FBXW7: variants seen among roughly 807,000 people sequenced by gnomAD.
FBXW7 encodes the protein F-box and WD repeat domain containing 7.
In FBXW7, 11 loss-of-function variants were observed where a neutral mutation model predicts 86.3. The ratio of observed to expected loss-of-function variants is 0.13; its 90% CI spans 0.08 to 0.21. The LOEUF (loss-of-function observed/expected upper bound fraction) is 0.21, where lower values mean the gene tolerates loss of function less well. Ranked by LOEUF, FBXW7 falls within the 10% of genes least tolerant of loss-of-function variation. The pLI, the probability that FBXW7 is intolerant of heterozygous loss-of-function variation, is 1.00. For synonymous variants in FBXW7, 313 were observed against 297.9 expected (o/e 1.05, Z -0.52); for missense variants, 488 against 847.4 (o/e 0.58, Z 5.27).
intron 4 of FBXW7, among the ~76,000 whole-genome samples, chr4:152,401,501 C>T (rs1012354727): frequency 6.6e-5 from 10 of 152,140 alleles, no homozygotes; most frequent in Middle Eastern, 3.4e-3. Flanking sequence ...ACTATGGAGA[C>T]GGTGAAAGGA....
intron 2 of FBXW7, among the ~76,000 whole-genome samples, chr4:152,509,447 A>C (rs541506962): frequency 1.3e-5 from 2 of 152,236 alleles, no homozygotes; most frequent in Non-Finnish European, 2.9e-5. Flanking sequence ...ATAATGTCAA[A>C]TTAATGTATG....
chr4:152,471,537 TGGAA>T (rs1560939641), intron 2 of FBXW7, among the ~76,000 whole-genome samples: 2 of 74,024 alleles, frequency 2.7e-5, no homozygotes, highest in Admixed American at 1.5e-4. Context: ...GAGGGAAGGA[TGGAA>T]GGAAGGAAGG....
intron 4 of FBXW7, among the ~76,000 whole-genome samples, chr4:152,372,173 C>T (rs1018098099): frequency 2.6e-5 from 4 of 151,758 alleles, no homozygotes; most frequent in African/African-American, 9.7e-5. Context: ...TTATAATAGC[C>T]TATAATTAGG....
At chr4:152,357,591 G>A (rs560148701) in intron 4 of FBXW7, among the ~76,000 whole-genome samples, 31 of 152,196 alleles carry the variant, frequency 2.0e-4, no homozygotes, top group Admixed American at 1.2e-3. Flanking sequence ...AAGGTGCTGG[G>A]ATTACAGGGG....
intron 2 of FBXW7, among the ~76,000 whole-genome samples, chr4:152,456,633 A>G (rs1742445176): frequency 6.6e-6 from 1 of 152,232 alleles, no homozygotes; most frequent in South Asian, 2.1e-4. Flanking sequence ...AAGATGTTCA[A>G]CATAATTCGC....
chr4:152,324,715 C>T (rs1728853797), intron 12 of FBXW7: 3 of 275,576 alleles, frequency 1.1e-5, no homozygotes, highest in Admixed American at 5.0e-5. Flanking sequence ...CCCCACCTAG[C>T]TATATATCAT....
At chr4:152,494,458 T>C (rs111813986) in intron 2 of FBXW7, among the ~76,000 whole-genome samples, 3,044 of 152,308 alleles carry the variant, frequency 0.02, 88 homozygotes, top group Admixed American at 0.065. Context: ...TGATCAACAA[T>C]CATGAATTTA....
At chr4:152,349,290 T>A (rs895437964) in intron 5 of FBXW7, among the ~76,000 whole-genome samples, 6 of 144,904 alleles carry the variant, frequency 4.1e-5, no homozygotes, top group Non-Finnish European at 9.0e-5. Flanking sequence ...CTGGCAATTA[T>A]ACAAAAAATT....
At chr4:152,411,262 T>C (rs764972314) in intron 4 of FBXW7, 41 bp downstream of exon 4, 13 of 1,509,378 alleles carry the variant, frequency 8.6e-6, no homozygotes, top group South Asian at 2.8e-5. Flanking sequence ...AAAATAGATA[T>C]GTAAAGTTTC....
chr4:152,519,794 A>C (rs1030002050), intron 2 of FBXW7, among the ~76,000 whole-genome samples: 4 of 152,252 alleles, frequency 2.6e-5, no homozygotes, highest in Non-Finnish European at 5.9e-5. Context: ...CATTTTCAAT[A>C]AAAACTTAAG....
At chr4:152,445,147 A>G (rs1741255331) in intron 2 of FBXW7, among the ~76,000 whole-genome samples, 4 of 152,210 alleles carry the variant, frequency 2.6e-5, no homozygotes, top group Admixed American at 6.5e-5. Flanking sequence ...TTTGGAAAAC[A>G]TTACTCCAAA....
chr4:152,526,682 A>G (rs1418133268), intron 2 of FBXW7, among the ~76,000 whole-genome samples: 1 of 152,234 alleles, frequency 6.6e-6, no homozygotes, highest in Non-Finnish European at 1.5e-5. Context: ...GGGCAACTAA[A>G]AAGGCTGATA....
At chr4:152,387,976 G>A (rs1005261322) in intron 4 of FBXW7, among the ~76,000 whole-genome samples, 22 of 152,048 alleles carry the variant, frequency 1.4e-4, no homozygotes, top group Admixed American at 7.9e-4. Flanking sequence ...CCAAAGTGCT[G>A]GGATTACAGG....
At chr4:152,372,578 A>G (rs184424764) in intron 4 of FBXW7, among the ~76,000 whole-genome samples, 1 of 152,058 alleles carries the variant, frequency 6.6e-6, no homozygotes, top group East Asian at 1.9e-4. Flanking sequence ...TCAGAGCATG[A>G]TGGATTTCTG....
chr4:152,419,136 T>TG, intron 2 of FBXW7, among the ~76,000 whole-genome samples: 1 of 152,132 alleles, frequency 6.6e-6, no homozygotes, highest in African/African-American at 2.4e-5. Context: ...TTAGCAGCTT[T>TG]ACTATTCAAC....
At chr4:152,353,881 C>T (rs2126670075) in intron 4 of FBXW7, among the ~76,000 whole-genome samples, 1 of 152,220 alleles carries the variant, frequency 6.6e-6, no homozygotes, top group East Asian at 1.9e-4. Flanking sequence ...TACTCCTACC[C>T]TCCCCATTAG....
intron 2 of FBXW7, among the ~76,000 whole-genome samples, chr4:152,508,127 CA>C (rs1747601558): frequency 6.6e-6 from 1 of 151,190 alleles, no homozygotes; most frequent in Non-Finnish European, 1.5e-5. Flanking sequence ...TCAAAAGGAC[CA>C]GGAACCTCCT....
chr4:152,506,087 C>T (rs1426148006), intron 2 of FBXW7, among the ~76,000 whole-genome samples: 1 of 152,062 alleles, frequency 6.6e-6, no homozygotes, highest in African/African-American at 2.4e-5. Context: ...CAACCAGTAA[C>T]ACAGTCCTTT....
At chr4:152,439,478 T>C (rs979780948) in intron 2 of FBXW7, among the ~76,000 whole-genome samples, 2 of 152,116 alleles carry the variant, frequency 1.3e-5, no homozygotes, top group African/African-American at 4.8e-5. Flanking sequence ...AACAAGCCAC[T>C]CAGAAACCGA....
Sources: gnomAD v4.1 joint callset for allele counts (sites outside exome capture counted in the v4.1 genomes callset) on GRCh38, gnomAD v4.1.1 for gene constraint, MANE v1.5 for transcripts, NCBI Gene and HGNC (gene_info 2026-07-23, HGNC 2026-07-21) for gene names.